Variants in RBAK observed in about 807,000 individuals in gnomAD.
RBAK encodes RB associated KRAB zinc finger.
In RBAK, 39 loss-of-function variants were observed where a neutral mutation model predicts 65.8. The ratio of observed to expected loss-of-function variants is 0.59; its 90% confidence interval spans 0.46 to 0.77. RBAK has a LOEUF of 0.77. Ranked by LOEUF, RBAK falls within the 30% of genes least tolerant of loss-of-function variation. The pLI is 0.00. For missense variants in RBAK, 884 were observed against 855.1 expected (o/e 1.03, Z -0.42); for synonymous variants, 343 against 289.7 (o/e 1.18, Z -1.87).
At chr7:5,060,165 C>G (rs962710058) in intron 4 of RBAK, among the ~76,000 whole-genome samples, 5 of 152,152 alleles carry the variant, frequency 3.3e-5, no homozygotes, top group Non-Finnish European at 7.4e-5. Flanking sequence ...GAGGAAAGAC[C>G]TTTTTACTCT....
intron 2 of RBAK, among the ~76,000 whole-genome samples, chr7:5,054,423 C>G (rs528708485): frequency 6.8e-6 from 1 of 146,990 alleles, no homozygotes; most frequent in African/African-American, 2.6e-5. Context: ...AAAAAAAAAA[C>G]CATTGCTTCA....
chr7:5,054,949 TG>T (rs1479527720), intron 2 of RBAK, among the ~76,000 whole-genome samples: 21 of 152,116 alleles, frequency 1.4e-4, no homozygotes, highest in African/African-American at 4.6e-4. Flanking sequence ...TTTTTTTGTT[TG>T]TTTGTTTTTT....
At position 5,065,475 on chromosome 7, in the gene RBAK, T is replaced by C. The variant is rs1391813228; in HGVS notation, c.2019T>C (p.His673=). ...ACCTCACTGTACACTATAGAACTCA[T>C]TCAGGAGAGAAACCCTATGAATGTA... ...KSYLTVHYRT[H]SGEKPYECNE... is the part of the protein sequence containing the mutation. The change falls in exon 5 of 5, where the codon CAT becomes CAC. Residue 673 remains histidine (H), a synonymous_variant. Transcript: ENST00000396912. The surrounding 1 kb of genome is among the most constrained non-coding windows in gnomAD (Gnocchi z 5.3). 3.7e-6 allele frequency: 6 copies of C among 1,607,516 alleles called. No individual in the cohort carries two copies. The highest frequency in any genetic ancestry group is 5.1e-6 in the Non-Finnish European group (6 of 1,174,738).
Position 5,063,806 on chromosome 7 carries a change from C to T in RBAK, c.350C>T (p.Thr117Ile), listed in dbSNP as rs1328380232. 2.5e-6 allele frequency: 4 copies of T among 1,613,810 alleles called. No homozygotes were observed. The highest frequency in any genetic ancestry group is 1.7e-5 in the Admixed American group (1 of 59,982). ...SKTLTEEKENTFSQIYMETSL... is the reference protein window; with the variant it reads ...SKTLTEEKENIFSQIYMETSL... Reference sequence around the variant, plus strand: ...ACCCTGACTGAAGAGAAAGAGAATACATTTAGTCAAATTTACATGGAAACA... The same window carrying T: ...ACCCTGACTGAAGAGAAAGAGAATATATTTAGTCAAATTTACATGGAAACA... Residue 117 changes from threonine to isoleucine, a missense_variant, in exon 5 of 5, where the codon ACA becomes ATA. Thr to Ile is a moderately conservative substitution (Grantham distance 89). Coordinates refer to ENST00000396912, the MANE Select transcript of RBAK (RefSeq NM_021163.4).
At position 5,046,406 on chromosome 7, in the gene RBAK, G is replaced by A; in HGVS notation, c.-45+10G>A. On this transcript the variant is annotated intron_variant, in intron 1 of 4. Coordinates refer to ENST00000396912, the MANE Select transcript of RBAK (RefSeq NM_021163.4). ...GCGGAGCCCCAGAAGGGTAGGTCTT[G>A]GGTTTTCGGGCCCGGAGCGAGAAGG... 1.9e-6 allele frequency: 1 copy of A among 514,708 alleles called. No homozygotes were observed. The highest frequency in any genetic ancestry group is 1.4e-5 in the South Asian group (1 of 71,274). 31.9% of individuals were successfully genotyped at this position (514,708 alleles called of 1,614,324 possible). A position where few individuals can be genotyped will look rare whatever the true frequency, so the allele number is the denominator to read the frequency against.
At position 5,065,635 on chromosome 7, in the gene RBAK, T is replaced by A. The variant is rs1309806277; in HGVS notation, c.*34T>A. ...CTCAATTTTTAGAAAACTCTCTGAA[T>A]ATAATGAATATGGGGAATCCAATAG... On this transcript the variant is annotated 3_prime_UTR_variant, in exon 5 of 5. Coordinates refer to ENST00000396912, the MANE Select transcript of RBAK (RefSeq NM_021163.4). This position sits in a 1 kb window ranked among gnomAD's most constrained non-coding sequence, Gnocchi z 5.3. The A allele has an allele frequency of 7.1e-7, 1 of 1,405,624 alleles. No individual in the cohort carries two copies. The highest frequency in any genetic ancestry group is 1.4e-5 in the African/African-American group (1 of 69,332). The allele number at this position is 1,405,624 out of a possible 1,614,324, so 87.1% of individuals were successfully genotyped here.
In RBAK at chr7:5,065,361, G is replaced by A; in HGVS notation, c.1905G>A (p.Met635Ile). ...AATGTGGAAAAGTCTTCTCTCGGAT[G>A]TCAAACCTCACTGTCCACTACAGAA... ...CSKCGKVFSR[M>I]SNLTVHYRSH... Residue 635 changes from methionine to isoleucine, a missense_variant, in exon 5 of 5, where the codon ATG (methionine) becomes ATA (isoleucine). By Grantham distance (10) the Met-to-Ile change is conservative. Transcript: ENST00000396912. This position sits in a 1 kb window ranked among gnomAD's most constrained non-coding sequence, Gnocchi z 5.3. The A allele has an allele frequency of 1.9e-6, 3 of 1,613,534 alleles. No individual in the cohort carries two copies. The highest frequency in any genetic ancestry group is 1.1e-5 in the South Asian group (1 of 91,046).
At chr7:5,063,646 G>A (rs1005002406) in intron 4 of RBAK, 49 bp from the exon 5 acceptor site, 1 of 1,420,618 alleles carries the variant, frequency 7.0e-7, no homozygotes. Flanking sequence ...CCTTTCCATA[G>A]CTAGTGTGTT....
At chr7:5,053,534 G>A (rs1186803784) in intron 2 of RBAK, among the ~76,000 whole-genome samples, 4 of 151,974 alleles carry the variant, frequency 2.6e-5, no homozygotes, top group African/African-American at 9.7e-5. Context: ...ATCACTTTGG[G>A]AACATTTTTA....
At chr7:5,058,215 C>G (rs954440059) in intron 4 of RBAK, among the ~76,000 whole-genome samples, 18 of 152,196 alleles carry the variant, frequency 1.2e-4, no homozygotes, top group African/African-American at 4.3e-4. Context: ...GCTGGGATTA[C>G]AGGCACATGC....
intron 4 of RBAK, among the ~76,000 whole-genome samples, chr7:5,059,171 C>T (rs912543377): frequency 6.6e-6 from 1 of 152,168 alleles, no homozygotes; most frequent in Non-Finnish European, 1.5e-5. Flanking sequence ...TTTCGACATT[C>T]GTGTTCAGTA....
chr7:5,069,160 A>G lies in RBAK; in HGVS notation c.*3559A>G, dbSNP rs890285165. On this transcript the variant is annotated 3_prime_UTR_variant, in exon 5 of 5. Transcript: ENST00000396912. ...GTTAAACTTTCCATAAAAGTTTTCT[A>G]AAATCACAAATGGCTAACATTTGTG... 10 of 152,224 alleles carry G rather than the reference A, an allele frequency of 6.6e-5. No individual in the cohort carries two copies. Among genetic ancestry groups the G allele is most frequent in the African/African-American group, 2.4e-4 (10 of 41,454 alleles). 9.4% of individuals were successfully genotyped at this position (152,224 alleles called of 1,614,324 possible).
chr7:5,061,453 C>CTT (rs56688573), intron 4 of RBAK, among the ~76,000 whole-genome samples: 2 of 133,840 alleles, frequency 1.5e-5, no homozygotes, highest in African/African-American at 5.6e-5. Context: ...TTTTCTTTTT[C>CTT]TTTTTTTTTT....
chr7:5,063,719 TAGAG>T lies in RBAK; in HGVS notation c.267_270del (p.Arg90SerfsTer20). On this transcript the variant is annotated frameshift_variant, in exon 5 of 5. Transcript: ENST00000396912. LOFTEE classifies it high-confidence loss of function. ...GAAGCCTGGAGAGTTGATGACCTGA[TAGAG>T]AGAATCCAAGAAAACGAAGACAAAC... The T allele has an allele frequency of 1.2e-6, 2 of 1,610,854 alleles. No homozygotes were observed. The highest frequency in any genetic ancestry group is 1.1e-5 in the South Asian group (1 of 90,582).
In RBAK at chr7:5,064,233, G is replaced by A; in HGVS notation, c.777G>A (p.Lys259=). 2 of 1,614,050 alleles carry A rather than the reference G, an allele frequency of 1.2e-6. No individual in the cohort carries two copies. The change falls in exon 5 of 5, where the codon AAG becomes AAA. Residue 259 remains lysine, a synonymous_variant. Transcript: ENST00000396912. This position sits in a 1 kb window ranked among gnomAD's most constrained non-coding sequence, Gnocchi z 6.3. ...ATCAGAGATCACAAATGGAAATGAA[G>A]CCCTTTGAATGCAGTGAATGTGGAA... is the stretch of plus-strand genomic sequence containing the variant. ...NAYQRSQMEM[K]PFECSECGKS...
At chr7:5,057,219 A>G in intron 2 of RBAK, 76 bp from the exon 3 acceptor site, 2 of 1,609,148 alleles carry the variant, frequency 1.2e-6, no homozygotes, top group Non-Finnish European at 1.7e-6. Context: ...GGTTAACTTT[A>G]CCGGTGGGCT....
In RBAK at chr7:5,065,043, C is replaced by G; in HGVS notation, c.1587C>G (p.His529Gln). The change falls in exon 5 of 5, where the codon CAC becomes CAG. Residue 529 changes from histidine to glutamine, a missense_variant. By Grantham distance (24) the His-to-Gln change is conservative. Transcript: ENST00000396912. This position sits in a 1 kb window ranked among gnomAD's most constrained non-coding sequence, Gnocchi z 5.3. Reference sequence around the variant, plus strand: ...TTGTAAATTCAGCCTTCGATGGGCACCAGCCACTTCCAAAAGGGGAGAAAT... The same window carrying G: ...TTGTAAATTCAGCCTTCGATGGGCAGCAGCCACTTCCAAAAGGGGAGAAAT... ...TFLVNSAFDG[H>Q]QPLPKGEKSY... The G allele has an allele frequency of 1.2e-6, 2 of 1,613,466 alleles. No individual in the cohort carries two copies. The highest frequency in any genetic ancestry group is 1.7e-6 in the Non-Finnish European group (2 of 1,179,818).
At chr7:5,058,380 G>A (rs1228408167) in intron 4 of RBAK, among the ~76,000 whole-genome samples, 1 of 152,256 alleles carries the variant, frequency 6.6e-6, no homozygotes, top group South Asian at 2.1e-4. Flanking sequence ...TTACAGAATT[G>A]TTTTGTTTTG....
At position 5,067,541 on chromosome 7, in the gene RBAK, A is replaced by G. The variant is rs1779250035; in HGVS notation, c.*1940A>G. On this transcript the variant is annotated 3_prime_UTR_variant, in exon 5 of 5. Coordinates refer to ENST00000396912, the MANE Select transcript of RBAK (RefSeq NM_021163.4). ...ATTGCTTTTTCCTAAATTCATTGCA[A>G]CCTTAAAATCCTAGCAAGTTCTTTA... is the stretch of plus-strand genomic sequence containing the variant. The G allele has an allele frequency of 6.6e-6, 1 of 152,192 alleles. No individual in the cohort carries two copies. Among genetic ancestry groups the G allele is most frequent in the Admixed American group, 6.5e-5 (1 of 15,274 alleles). 9.4% of individuals were successfully genotyped at this position (152,192 alleles called of 1,614,324 possible).
Sources: allele counts gnomAD v4.1 joint callset (sites outside exome capture counted in the v4.1 genomes callset), GRCh38; gene constraint gnomAD v4.1.1; non-coding constraint Gnocchi (gnomAD v3.1); transcripts MANE v1.5; gene names NCBI Gene and HGNC (gene_info 2026-07-23, HGNC 2026-07-21).